EPHA5: variants seen among roughly 807,000 people sequenced by gnomAD.
EPHA5 encodes the protein EPH receptor A5, also known as ephrin type-A receptor 5.
Under a neutral mutation model 105.0 loss-of-function variants are expected in EPHA5, and 60 were observed. The observed-to-expected ratio is 0.57, with a 90% CI of 0.46 to 0.71. EPHA5 has a LOEUF of 0.71. Among genes scored for constraint, EPHA5 ranks in the 30% least tolerant of loss-of-function variants. The pLI is 0.00. For missense variants in EPHA5, 1,218 were observed against 1,274.7 expected (o/e 0.96, Z 0.68); for synonymous variants, 513 against 449.1 (o/e 1.14, Z -1.80).
At chr4:65,556,888 G>T (rs1201067984) in intron 3 of EPHA5, among the ~76,000 whole-genome samples, 7 of 151,838 alleles carry the variant, frequency 4.6e-5, no homozygotes, top group Non-Finnish European at 7.4e-5. Context: ...GCTTTTTGTG[G>T]TCTAAAAAAC....
rs1719490764 is a variant in EPHA5 at position 65,319,747 on chromosome 4, A to G, written c.*4367T>C. On this transcript the variant is annotated 3_prime_UTR_variant, in exon 17 of 17. Transcript: ENST00000613740. ...GAGATAGCCTGATGTATATCATAGA[A>G]TAAGATATGCTATATAGCTGCTTCT... 4.4e-6 allele frequency: 1 copy of G among 227,444 alleles called. No individual in the cohort carries two copies. Among genetic ancestry groups the G allele is most frequent in the South Asian group, 1.8e-4 (1 of 5,496 alleles). The allele number at this position is 227,444 out of a possible 1,614,324, so 14.1% of individuals were successfully genotyped here.
intron 3 of EPHA5, among the ~76,000 whole-genome samples, chr4:65,592,118 T>C (rs1276221327): frequency 1.3e-5 from 2 of 151,992 alleles, no homozygotes; most frequent in Non-Finnish European, 2.9e-5. Flanking sequence ...GTACCAACCA[T>C]GTGAAGGTCT....
chr4:65,550,515 T>C (rs1737794075), intron 3 of EPHA5, among the ~76,000 whole-genome samples: 1 of 152,134 alleles, frequency 6.6e-6, no homozygotes, highest in African/African-American at 2.4e-5. Context: ...GCCACTCATA[T>C]CCAGTAGCTT....
At chr4:65,651,873 G>C (rs988555146) in intron 1 of EPHA5, among the ~76,000 whole-genome samples, 2 of 152,060 alleles carry the variant, frequency 1.3e-5, no homozygotes, top group African/African-American at 2.4e-5. Context: ...AGTATCCACT[G>C]GTTCGTCTGT....
At chr4:65,383,460 A>C (rs939982958) in intron 8 of EPHA5, among the ~76,000 whole-genome samples, 1 of 151,822 alleles carries the variant, frequency 6.6e-6, no homozygotes, top group African/African-American at 2.4e-5. Context: ...TACCACCATT[A>C]TCACTTTCAC....
At chr4:65,408,068 G>T (rs1366140625) in intron 7 of EPHA5, among the ~76,000 whole-genome samples, 2 of 152,056 alleles carry the variant, frequency 1.3e-5, no homozygotes, top group South Asian at 2.1e-4. Flanking sequence ...TAATTTGTGA[G>T]CTATTTCTAA....
Position 65,348,818 on chromosome 4 carries a change from T to A in EPHA5, c.2446-615A>T, listed in dbSNP as rs1438787441. Among the ~76,000 whole-genome samples the A allele has an allele frequency of 1.0e-3, 113 of 112,874 alleles. 5 individuals carry two copies. The highest frequency in any genetic ancestry group is 2.7e-3 in the African/African-American group (84 of 31,320). The allele number at this position is 112,874 out of a possible 152,430, so 74.0% of individuals were successfully genotyped here. A position where few individuals can be genotyped will look rare whatever the true frequency, so the allele number is the denominator to read the frequency against. On this transcript the variant is annotated intron_variant, in intron 13 of 16. Transcript: ENST00000613740. ...GTATATATATATATATATATATATT[T>A]TTTTTTTTTTTTTTTGAGACAGGGT...
At chr4:65,582,313 A>G (rs1262887053) in intron 3 of EPHA5, among the ~76,000 whole-genome samples, 1 of 151,620 alleles carries the variant, frequency 6.6e-6, no homozygotes, top group Non-Finnish European at 1.5e-5. Context: ...TATACCTTGT[A>G]TAACTTTCCA....
intron 3 of EPHA5, among the ~76,000 whole-genome samples, chr4:65,523,928 C>T (rs1734998460): frequency 6.6e-6 from 1 of 151,556 alleles, no homozygotes; most frequent in East Asian, 2.0e-4. Context: ...AAGCCAGGTC[C>T]ATAAAAGCTC....
chr4:65,652,728 CT>C (rs1748720830), intron 1 of EPHA5, among the ~76,000 whole-genome samples: 1 of 152,048 alleles, frequency 6.6e-6, no homozygotes, highest in South Asian at 2.1e-4. Context: ...CACCATAATG[CT>C]TCAATTTTAT....
At position 65,524,335 on chromosome 4, in the gene EPHA5, G is replaced by A. The variant is rs541361923; in HGVS notation, c.911-28792C>T. On this transcript the variant is annotated intron_variant, in intron 3 of 16. Coordinates refer to ENST00000613740, the MANE Select transcript of EPHA5 (RefSeq NM_001281766.3). ...CAGAGATGACTATGTAGACAAAAAT[G>A]TGTTTCTTCCAAATTGTTCATATAA... is the stretch of plus-strand genomic sequence containing the variant. Among the ~76,000 whole-genome samples, 232 of 151,888 alleles carry A rather than the reference G, an allele frequency of 1.5e-3. 1 individual carries two copies. The highest frequency in any genetic ancestry group is 2.9e-3 in the Non-Finnish European group (198 of 67,764).
intron 3 of EPHA5, among the ~76,000 whole-genome samples, chr4:65,579,394 T>G (rs2149394526): frequency 6.8e-6 from 1 of 147,386 alleles, no homozygotes; most frequent in South Asian, 2.1e-4. Context: ...ATATATAAAA[T>G]ATTTATTCTA....
rs534300624 is a variant in EPHA5, at chr4:65,443,868, T to C, written c.1403-23303A>G. Among the ~76,000 whole-genome samples, 597 of 151,762 alleles carry C rather than the reference T, an allele frequency of 3.9e-3. 6 individuals are homozygous for C. The highest frequency in any genetic ancestry group is 0.014 in the African/African-American group (578 of 41,430). On this transcript the variant is annotated intron_variant, in intron 5 of 16. Coordinates refer to ENST00000613740, the MANE Select transcript of EPHA5 (RefSeq NM_001281766.3). Reference sequence around the variant, plus strand: ...CCTATAGTAGGATGACCTATTTCCTTGAAAAAAATAGTTTCTACTTGCAGA... The same window carrying C: ...CCTATAGTAGGATGACCTATTTCCTCGAAAAAAATAGTTTCTACTTGCAGA...
chr4:65,641,824 C>T (rs1209932467), intron 2 of EPHA5, among the ~76,000 whole-genome samples: 1 of 151,784 alleles, frequency 6.6e-6, no homozygotes, highest in Non-Finnish European at 1.5e-5. Flanking sequence ...AAATACACCA[C>T]TATATTAACA....
rs189948721 is a variant in EPHA5, at chr4:65,406,915, A to T, written c.1688-2436T>A. Among the ~76,000 whole-genome samples, 22 of 152,122 alleles carry T rather than the reference A, an allele frequency of 1.4e-4. 1 individual carries two copies. In the East Asian group the frequency reaches 4.1e-3, roughly 28 times the overall value. ...CTCTTTCTGGTTTCTTTGAACTGTTACTAAATCTTTCTTAACTTCTGCTTG... is the reference window on the plus strand; with the variant it reads ...CTCTTTCTGGTTTCTTTGAACTGTTTCTAAATCTTTCTTAACTTCTGCTTG... On this transcript the variant is annotated intron_variant, in intron 7 of 16. Transcript: ENST00000613740.
chr4:65,372,003 A>G (rs1718523947), intron 8 of EPHA5, among the ~76,000 whole-genome samples: 2 of 151,900 alleles, frequency 1.3e-5, no homozygotes, highest in Non-Finnish European at 2.9e-5. Flanking sequence ...AAAAAGCAAC[A>G]AATTACAGTG....
intron 11 of EPHA5, among the ~76,000 whole-genome samples, chr4:65,357,931 C>T (rs569937892): frequency 2.0e-5 from 3 of 151,292 alleles, no homozygotes; most frequent in African/African-American, 7.3e-5. Context: ...AGAGAATATG[C>T]CGTTCCTGGT....
At chr4:65,647,144 C>T (rs922630212) in intron 1 of EPHA5, among the ~76,000 whole-genome samples, 28 of 151,672 alleles carry the variant, frequency 1.8e-4, no homozygotes, top group African/African-American at 4.6e-4. Flanking sequence ...CTGGCTAACA[C>T]GGTGAAACCC....
chr4:65,507,638 G>A (rs1034060386), intron 3 of EPHA5, among the ~76,000 whole-genome samples: 4 of 152,184 alleles, frequency 2.6e-5, no homozygotes, highest in African/African-American at 7.2e-5. Context: ...AATTGTGAAT[G>A]GGAGTTCACT....
Sources: allele counts gnomAD v4.1 joint callset (sites outside exome capture counted in the v4.1 genomes callset), GRCh38; gene constraint gnomAD v4.1.1; transcripts MANE v1.5; gene names NCBI Gene and HGNC (gene_info 2026-07-23, HGNC 2026-07-21).